Variants in CMSS1 observed in about 807,000 individuals in gnomAD.
CMSS1 encodes protein CMSS1.
In CMSS1, 33 loss-of-function variants were observed where a neutral mutation model predicts 43.5. That is an observed-to-expected ratio of 0.76 (90% confidence interval 0.57 to 1.01). The LOEUF (loss-of-function observed/expected upper bound fraction) is 1.01, where lower values mean the gene tolerates loss of function less well. Ranked by LOEUF, CMSS1 falls within the 50% of genes least tolerant of loss-of-function variation. The pLI is 0.00. For synonymous variants in CMSS1, 115 were observed against 117.2 expected (o/e 0.98, Z 0.12); for missense variants, 313 against 326.4 (o/e 0.96, Z 0.32).
chr3:99,821,226 T>C (rs928888749), intron 1 of CMSS1, among the ~76,000 whole-genome samples: 3 of 152,256 alleles, frequency 2.0e-5, no homozygotes, highest in African/African-American at 4.8e-5. Flanking sequence ...TGGCACTTAA[T>C]TGGTGTTTGG....
chr3:99,835,799 G>C (rs1375561207), intron 1 of CMSS1, among the ~76,000 whole-genome samples: 1 of 152,194 alleles, frequency 6.6e-6, no homozygotes, highest in Non-Finnish European at 1.5e-5. Context: ...ACAGACAGCA[G>C]TTTTGGAAAC....
chr3:99,998,370 C>A (rs551070854), intron 1 of CMSS1, among the ~76,000 whole-genome samples: 1 of 152,096 alleles, frequency 6.6e-6, no homozygotes, highest in Non-Finnish European at 1.5e-5. Context: ...TGTAGCAACC[C>A]ATCTTGCATG....
intron 1 of CMSS1, among the ~76,000 whole-genome samples, chr3:99,997,392 A>G (rs1271304969): frequency 6.6e-6 from 1 of 152,258 alleles, no homozygotes; most frequent in Non-Finnish European, 1.5e-5. Flanking sequence ...TTTAATCCTC[A>G]CAAGTGTATT....
intron 1 of CMSS1, among the ~76,000 whole-genome samples, chr3:99,990,364 A>G (rs905662921): frequency 2.0e-5 from 3 of 152,278 alleles, no homozygotes; most frequent in South Asian, 2.1e-4. Flanking sequence ...GATCCGTTCA[A>G]TCTCTCTATT....
chr3:99,818,137 C>T, intron 1 of CMSS1, 94 bp downstream of exon 1: 6 of 1,237,088 alleles, frequency 4.9e-6, no homozygotes, highest in Non-Finnish European at 6.9e-6. Context: ...CGGTGTTTGC[C>T]CAGCAGGGGT....
At chr3:99,911,497 G>A (rs1706786473) in intron 1 of CMSS1, among the ~76,000 whole-genome samples, 2 of 151,946 alleles carry the variant, frequency 1.3e-5, no homozygotes, top group African/African-American at 4.8e-5. Context: ...ATGGTCTCAG[G>A]ATAAAGGGGA....
intron 1 of CMSS1, chr3:99,850,036 A>G (rs1416464304): frequency 1.9e-6 from 3 of 1,609,622 alleles, no homozygotes; most frequent in South Asian, 2.2e-5. Flanking sequence ...TTTGGACTTG[A>G]GCGCCCTTTT....
At chr3:99,898,319 A>G (rs1706326025) in intron 1 of CMSS1, 1 of 152,182 alleles carries the variant, frequency 6.6e-6, no homozygotes, top group East Asian at 1.9e-4. Context: ...TTACACAATG[A>G]CCAGGGCCTG....
chr3:99,902,978 C>G (rs753392036), intron 1 of CMSS1, among the ~76,000 whole-genome samples: 5 of 152,146 alleles, frequency 3.3e-5, no homozygotes, highest in Non-Finnish European at 7.4e-5. Context: ...AAACCTAGAA[C>G]TGTTAGAATC....
At chr3:99,930,744 T>A (rs1246869833) in intron 1 of CMSS1, 1 of 1,608,790 alleles carries the variant, frequency 6.2e-7, no homozygotes, top group Non-Finnish European at 8.5e-7. Context: ...TGAAGCATGA[T>A]GGGGATAACT....
chr3:99,876,211 C>T, intron 1 of CMSS1: 1 of 985,404 alleles, frequency 1.0e-6, no homozygotes, highest in Non-Finnish European at 1.2e-6. Flanking sequence ...ATGGGCGTTA[C>T]GTCACTGTTC....
At chr3:99,929,709 A>C in intron 1 of CMSS1, 1 of 551,424 alleles carries the variant, frequency 1.8e-6, no homozygotes. Flanking sequence ...TTCCTATTGA[A>C]CTTGTCGTAT....
chr3:99,892,774 C>CA (rs1393423737), intron 1 of CMSS1, among the ~76,000 whole-genome samples: 1 of 152,104 alleles, frequency 6.6e-6, no homozygotes, highest in Non-Finnish European at 1.5e-5. Context: ...CTGGAACTGC[C>CA]AAAGGGAAAG....
At chr3:99,940,787 A>G (rs1448049063) in intron 1 of CMSS1, among the ~76,000 whole-genome samples, 1 of 152,260 alleles carries the variant, frequency 6.6e-6, no homozygotes, top group Non-Finnish European at 1.5e-5. Flanking sequence ...CCTCTTGCCT[A>G]GGCCAACCCA....
intron 1 of CMSS1, among the ~76,000 whole-genome samples, chr3:99,875,146 A>G (rs766386225): frequency 2.6e-5 from 4 of 152,220 alleles, no homozygotes; most frequent in Admixed American, 2.6e-4. Context: ...TCTAAAGTTG[A>G]CATAACCTTT....
intron 1 of CMSS1, among the ~76,000 whole-genome samples, chr3:100,130,362 G>T (rs17315278): frequency 0.089 from 13,499 of 152,150 alleles, 724 homozygotes; most frequent in East Asian, 0.17. Context: ...AGTTTGTTTT[G>T]GTAGCTACTG....
intron 1 of CMSS1, among the ~76,000 whole-genome samples, chr3:100,057,943 G>C (rs1016953115): frequency 2.0e-5 from 3 of 152,112 alleles, no homozygotes; most frequent in African/African-American, 7.2e-5. Flanking sequence ...TAAATCTTTC[G>C]ACATCGTGAG....
chr3:99,838,572 ATCTG>A (rs1054919268), intron 1 of CMSS1, among the ~76,000 whole-genome samples: 23 of 152,318 alleles, frequency 1.5e-4, no homozygotes, highest in Admixed American at 1.4e-3. Context: ...ACATTAGACA[ATCTG>A]TCTGTCACCA....
chr3:100,143,329 C>T (rs914493929), intron 1 of CMSS1, among the ~76,000 whole-genome samples: 30 of 152,188 alleles, frequency 2.0e-4, no homozygotes, highest in African/African-American at 6.0e-4. Flanking sequence ...CTGGTAAGAG[C>T]GGACATCCTT....
Sources: gnomAD v4.1 joint callset for allele counts (sites outside exome capture counted in the v4.1 genomes callset) on GRCh38, gnomAD v4.1.1 for gene constraint, MANE v1.5 for transcripts, NCBI Gene and HGNC (gene_info 2026-07-23, HGNC 2026-07-21) for gene names.